The following ABCB5 variants were observed in gnomAD, a reference collection of about 807,000 sequenced individuals.
ABCB5 encodes ATP binding cassette subfamily B member 5.
Under a neutral mutation model 144.2 loss-of-function variants are expected in ABCB5, and 155 were observed. The ratio of observed to expected loss-of-function variants is 1.08; its 90% CI spans 0.94 to 1.23. ABCB5 has a LOEUF of 1.23. ABCB5 is among the 50% of genes most tolerant of loss of function. The probability of loss-of-function intolerance (pLI) is 0.00; values close to 1 mark genes in which losing one functional copy is unlikely to be tolerated. For missense variants in ABCB5, 1,830 were observed against 1,520.8 expected, an observed-to-expected ratio of 1.20 and a Z score of -3.38; for synonymous variants, 610 against 528.6, an observed-to-expected ratio of 1.15 and a Z score of -2.11.
chr7:20,639,185 T>C (rs1784233048), intron 5 of ABCB5, among the ~76,000 whole-genome samples: 1 of 152,224 alleles, frequency 6.6e-6, no homozygotes, highest in African/African-American at 2.4e-5. Flanking sequence ...ATATTTTACA[T>C]ATTTTTAAAT....
chr7:20,662,225 A>G (rs1276924000), intron 14 of ABCB5, among the ~76,000 whole-genome samples: 1 of 152,212 alleles, frequency 6.6e-6, no homozygotes, highest in African/African-American at 2.4e-5. Context: ...TATCATCACA[A>G]TATTATTCTT....
Position 20,700,151 on chromosome 7 carries a change from A to AT in ABCB5, c.2337+26dup, listed in dbSNP as rs5882753. 4.9e-5 allele frequency: 72 copies of AT among 1,481,604 alleles called. No individual in the cohort carries two copies. The Middle Eastern group carries it at 6.6e-4, about 14-fold the overall frequency. The allele number at this position is 1,481,604 out of a possible 1,614,324, so 91.8% of individuals were successfully genotyped here. On this transcript the variant is annotated intron_variant, in intron 19 of 27. Coordinates refer to ENST00000404938, the MANE Select transcript of ABCB5 (RefSeq NM_001163941.2). ...GTTATATCAGGTCAGTGATAAGTTG[A>AT]TTTTTTTTTTATTTTATTTAAAATT...
At chr7:20,619,563 T>C (rs111624042) in intron 1 of ABCB5, among the ~76,000 whole-genome samples, 2,225 of 152,286 alleles carry the variant, frequency 0.015, 60 homozygotes, top group African/African-American at 0.051. Flanking sequence ...AAGTTTCTTA[T>C]AGATTCTAGA....
chr7:20,677,168 T>C (rs1378953321), intron 14 of ABCB5, among the ~76,000 whole-genome samples: 1 of 152,222 alleles, frequency 6.6e-6, no homozygotes, highest in Non-Finnish European at 1.5e-5. Flanking sequence ...CAGCTATTCA[T>C]GCAGTGTGAT....
intron 14 of ABCB5, among the ~76,000 whole-genome samples, chr7:20,666,066 A>T (rs1054717927): frequency 2.0e-5 from 3 of 151,326 alleles, no homozygotes; most frequent in South Asian, 4.2e-4. Context: ...GCTACTTGAG[A>T]GGCTGTGGCA....
intron 4 of ABCB5, 59 bp downstream of exon 4, chr7:20,628,897 A>G (rs980493338): frequency 4.4e-5 from 69 of 1,561,842 alleles, no homozygotes; most frequent in Non-Finnish European, 6.0e-5. Flanking sequence ...AATAAAGCAA[A>G]CAAACGTTAA....
chr7:20,689,196 C>A (rs900568082), intron 16 of ABCB5, among the ~76,000 whole-genome samples: 1 of 152,086 alleles, frequency 6.6e-6, no homozygotes, highest in East Asian at 1.9e-4. Flanking sequence ...AAGTAGCACC[C>A]CACTACCGCT....
intron 22 of ABCB5, among the ~76,000 whole-genome samples, chr7:20,727,343 G>A (rs764909456): frequency 3.3e-5 from 5 of 152,082 alleles, no homozygotes; most frequent in South Asian, 2.1e-4. Flanking sequence ...AAATATTTTA[G>A]GTCCTCTCAC....
At chr7:20,692,976 T>C (rs776347093) in intron 16 of ABCB5, among the ~76,000 whole-genome samples, 2 of 152,158 alleles carry the variant, frequency 1.3e-5, no homozygotes, top group Non-Finnish European at 2.9e-5. Context: ...TAAATAGAAA[T>C]TCGGCAGAAA....
In ABCB5 at chr7:20,711,717, G is replaced by C. The variant is rs1373061627; in HGVS notation, c.2421+6910G>C. Among the ~76,000 whole-genome samples, 2 of 148,922 alleles carry C rather than the reference G, an allele frequency of 1.3e-5. 1 individual carries two copies. Among genetic ancestry groups the C allele is most frequent in the Non-Finnish European group, 3.0e-5 (2 of 67,050 alleles). On this transcript the variant is annotated intron_variant, in intron 20 of 27. Coordinates refer to ENST00000404938, the MANE Select transcript of ABCB5 (RefSeq NM_001163941.2). ...GAGCTGCCCACCTCAGCCTCCTGAA[G>C]TGCTGGGATTATGGGTGTGAGCCAC...
intron 13 of ABCB5, among the ~76,000 whole-genome samples, chr7:20,655,241 GC>G (rs1252900771): frequency 6.6e-6 from 1 of 152,098 alleles, no homozygotes; most frequent in Non-Finnish European, 1.5e-5. Flanking sequence ...GGAGGCTGAG[GC>G]AGGTGGATCA....
intron 12 of ABCB5, among the ~76,000 whole-genome samples, chr7:20,650,934 G>A (rs534238686): frequency 2.4e-4 from 36 of 152,292 alleles, no homozygotes; most frequent in African/African-American, 8.2e-4. Context: ...GAATATGTTG[G>A]GGTAATTGGC....
At chr7:20,682,834 C>A (rs759896474) in intron 15 of ABCB5, among the ~76,000 whole-genome samples, 2 of 152,154 alleles carry the variant, frequency 1.3e-5, no homozygotes, top group African/African-American at 4.8e-5. Context: ...GCTGGAGGCA[C>A]ACGGCAAATT....
chr7:20,696,338 C>T (rs1436718967), intron 16 of ABCB5, among the ~76,000 whole-genome samples: 2 of 151,996 alleles, frequency 1.3e-5, no homozygotes, highest in African/African-American at 4.8e-5. Flanking sequence ...TGTATGATTT[C>T]ATTTATATAA....
At chr7:20,736,018 A>G (rs1311234609) in intron 23 of ABCB5, among the ~76,000 whole-genome samples, 1 of 152,212 alleles carries the variant, frequency 6.6e-6, no homozygotes, top group Non-Finnish European at 1.5e-5. Context: ...TAGGGCGGGA[A>G]GAGGTCTCTG....
chr7:20,685,593 T>G, intron 15 of ABCB5, 103 bp from the exon 16 acceptor site: 1 of 1,083,814 alleles, frequency 9.2e-7, no homozygotes, highest in Non-Finnish European at 1.3e-6. Context: ...AATATGCCAC[T>G]TTCAATAGCA....
At chr7:20,648,318 C>T (rs541205734) in intron 11 of ABCB5, among the ~76,000 whole-genome samples, 167 of 152,280 alleles carry the variant, frequency 1.1e-3, no homozygotes, top group African/African-American at 3.9e-3. Context: ...AATTCTTCTA[C>T]TCTGGGTTTG....
At chr7:20,674,175 A>T (rs1487359466) in intron 14 of ABCB5, among the ~76,000 whole-genome samples, 1 of 151,972 alleles carries the variant, frequency 6.6e-6, no homozygotes, top group Admixed American at 6.5e-5. Flanking sequence ...TTAAATAGGT[A>T]ATAAGAAAAA....
chr7:20,628,936 A>C, intron 4 of ABCB5, 98 bp downstream of exon 4: 1 of 1,359,650 alleles, frequency 7.4e-7, no homozygotes, highest in East Asian at 2.4e-5. Context: ...TGTATTGTAA[A>C]ACAGTATCTG....
Sources: gnomAD v4.1 joint callset for allele counts (sites outside exome capture counted in the v4.1 genomes callset) on GRCh38, gnomAD v4.1.1 for gene constraint, MANE v1.5 for transcripts, NCBI Gene and HGNC (gene_info 2026-07-23, HGNC 2026-07-21) for gene names.